Variants in RP1L1 observed in about 807,000 individuals in gnomAD.
The protein encoded by RP1L1 is retinitis pigmentosa 1-like 1 protein.
Under a neutral mutation model 15.7 loss-of-function variants are expected in RP1L1, and 27 were observed. That is an observed-to-expected ratio of 1.72 (90% CI 1.27 to 2.38). The LOEUF (loss-of-function observed/expected upper bound fraction) is 2.38. RP1L1 is among the 30% of genes most tolerant of loss of function. The pLI is 0.00. For missense variants in RP1L1, 4,798 were observed against 3,075.9 expected (o/e 1.56, Z -13.24); for synonymous variants, 1,813 against 1,276.7 (o/e 1.42, Z -8.96).
intron 1 of RP1L1, among the ~76,000 whole-genome samples, chr8:10,627,127 T>A (rs574534228): frequency 6.6e-6 from 1 of 152,286 alleles, no homozygotes; most frequent in South Asian, 2.1e-4. Flanking sequence ...GAAATCCCAT[T>A]TGTGGGTATC....
chr8:10,645,492 C>T (rs1203031307), intron 1 of RP1L1, among the ~76,000 whole-genome samples: 7 of 152,178 alleles, frequency 4.6e-5, no homozygotes, highest in Non-Finnish European at 8.8e-5. Context: ...TCCTACTCAC[C>T]AGGGGCTTTG....
In RP1L1 at chr8:10,609,324, T is replaced by C. The variant is rs550866845; in HGVS notation, c.4774A>G (p.Arg1592Gly). 16 of 1,611,922 alleles carry C rather than the reference T, an allele frequency of 9.9e-6. No individual in the cohort carries two copies. The East Asian group carries it at 2.9e-4, about 29-fold the overall frequency. The change falls in exon 4 of 4, where the codon AGG becomes GGG. Residue 1592 changes from arginine (R) to glycine (G), a missense_variant. Coordinates refer to ENST00000382483, the MANE Select transcript of RP1L1 (RefSeq NM_178857.6). ...RAGRMVLEPP[R>G]EALTGELLLQ... ...AGCAGCTCCCCGGTGAGGGCCTCCC[T>C]TGGAGGCTCCAGCACCATCCTACCC...
In RP1L1 at chr8:10,611,183, G is replaced by C. The variant is rs374466650; in HGVS notation, c.2915C>G (p.Thr972Arg). ...DNIPEEPILM[T>R]YELADETTGA... is the part of the protein sequence containing the mutation. ...TGTGGTCTCGTCCGCCAACTCATAT[G>C]TCATGAGTATGGGCTCTTCTGGAAT... The change falls in exon 4 of 4, where the codon ACA becomes AGA. Residue 972 changes from threonine to arginine, a missense_variant. Thr to Arg is a moderately conservative substitution (Grantham distance 71, BLOSUM62 -1). Transcript: ENST00000382483. 37 of 1,612,986 alleles carry C rather than the reference G, an allele frequency of 2.3e-5. No individual in the cohort carries two copies. Among genetic ancestry groups the C allele is most frequent in the Non-Finnish European group, 3.1e-5 (37 of 1,180,032 alleles).
rs1394140060 is a variant in RP1L1 at position 10,607,739 on chromosome 8, T to C, written c.6359A>G (p.Glu2120Gly). 2 of 1,608,628 alleles carry C rather than the reference T, an allele frequency of 1.2e-6. No homozygotes were observed. The highest frequency in any genetic ancestry group is 1.7e-6 in the Non-Finnish European group (2 of 1,178,604). The change falls in exon 4 of 4, where the codon GAG (glutamate) becomes GGG (glycine). Residue 2120 changes from glutamate (E) to glycine (G), a missense_variant. Glu to Gly is a moderately conservative substitution (Grantham distance 98, BLOSUM62 -2). Coordinates refer to ENST00000382483, the MANE Select transcript of RP1L1 (RefSeq NM_178857.6). Reference protein sequence around the residue: ...AQKAEGIEAPETEGEAQPESE... With the variant: ...AQKAEGIEAPGTEGEAQPESE... ...CTCTGGCTGGGCCTCCCCTTCAGTC[T>C]CTGGGGCCTCTATACCTTCTGCCTT... is the stretch of plus-strand genomic sequence containing the variant.
chr8:10,637,023 C>T (rs572959536), intron 1 of RP1L1, among the ~76,000 whole-genome samples: 33 of 152,332 alleles, frequency 2.2e-4, no homozygotes, highest in Admixed American at 6.5e-4. Context: ...TACAAAGCAT[C>T]GTCACTCACT....
intron 1 of RP1L1, among the ~76,000 whole-genome samples, chr8:10,650,462 C>T (rs376129089): frequency 1.3e-5 from 2 of 152,064 alleles, no homozygotes; most frequent in East Asian, 1.9e-4. Context: ...TGAGCTGTCA[C>T]GTGACCAAGG....
rs1183897872 is a variant in RP1L1, at chr8:10,609,211, G to A, written c.4887C>T (p.Leu1629=). ...FSERTLGLGP[L]SFTLEDEPAL... ...CTGGCTCGTCCTCCAGGGTGAAGGA[G>A]AGGGGCCCCAGGCCCAGGGTCCGCT... The change falls in exon 4 of 4, where the codon CTC becomes CTT. Residue 1629 remains leucine (L), a synonymous_variant. Transcript: ENST00000382483. 1.2e-6 allele frequency: 2 copies of A among 1,610,512 alleles called. No individual in the cohort carries two copies. Among genetic ancestry groups the A allele is most frequent in the South Asian group, 1.1e-5 (1 of 91,084 alleles).
At position 10,608,597 on chromosome 8, in the gene RP1L1, C is replaced by G; in HGVS notation, c.5501G>C (p.Gly1834Ala). Residue 1834 changes from glycine to alanine, a missense_variant, in exon 4 of 4, where the codon GGC becomes GCC. Coordinates refer to ENST00000382483, the MANE Select transcript of RP1L1 (RefSeq NM_178857.6). Reference protein sequence around the residue: ...QDPGQSDGAEGIEAPEAEGEA... With the variant: ...QDPGQSDGAEAIEAPEAEGEA... ...CCCTTCAGCCTCCGGGGCCTCTATGCCTTCGGCCCCATCACTCTGTCCTGG... is the reference window on the plus strand; with the variant it reads ...CCCTTCAGCCTCCGGGGCCTCTATGGCTTCGGCCCCATCACTCTGTCCTGG... The G allele has an allele frequency of 6.2e-7, 1 of 1,614,200 alleles. No individual in the cohort carries two copies.
intron 2 of RP1L1, among the ~76,000 whole-genome samples, chr8:10,622,101 C>T (rs535520292): frequency 6.6e-6 from 1 of 152,084 alleles, no homozygotes; most frequent in South Asian, 2.1e-4. Context: ...TCGGGCAGAT[C>T]ACCTGAGGTT....
chr8:10,634,685 A>T (rs1298548405), intron 1 of RP1L1, among the ~76,000 whole-genome samples: 6 of 152,220 alleles, frequency 3.9e-5, no homozygotes, highest in Non-Finnish European at 8.8e-5. Flanking sequence ...CCCAGGAATG[A>T]GTCCACAGGC....
rs938959062 is a variant in RP1L1 at position 10,612,520 on chromosome 8, C to T, written c.1578G>A (p.Arg526=). 2 of 1,611,768 alleles carry T rather than the reference C, an allele frequency of 1.2e-6. No homozygotes were observed. Among genetic ancestry groups the T allele is most frequent in the Admixed American group, 1.7e-5 (1 of 60,030 alleles). The part of the protein sequence containing the change: ...EQGGRLTPRA[R]SEEGASSDSS... ...AGTCCGAAGAAGCCCCCTCCTCACT[C>T]CGGGCCCTCGGTGTCAGGCGGCCGC... The change falls in exon 4 of 4, where the codon CGG becomes CGA. Residue 526 remains arginine, a synonymous_variant. Coordinates refer to ENST00000382483, the MANE Select transcript of RP1L1 (RefSeq NM_178857.6).
Position 10,608,517 on chromosome 8 carries a change from G to A in RP1L1, c.5581C>T (p.Gln1861Ter), listed in dbSNP as rs1352377149. The change falls in exon 4 of 4, where the codon CAG becomes TAG. Residue 1861 changes from glutamine (Q) to a stop codon, truncating the protein, a stop_gained. Coordinates refer to ENST00000382483, the MANE Select transcript of RP1L1 (RefSeq NM_178857.6). LOFTEE classifies it low-confidence loss of function (END_TRUNC). Reference sequence around the variant, plus strand: ...GGCTGGGCCTCCCCTTCAGCCTCCTGGGCATCCCCTTCTGCCTCTGGGGCC... The same window carrying A: ...GGCTGGGCCTCCCCTTCAGCCTCCTAGGCATCCCCTTCTGCCTCTGGGGCC... ...VEAPEAEGDAQEAEGEAQPES... is the reference protein window; with the variant it reads ...VEAPEAEGDA 1.9e-6 allele frequency: 3 copies of A among 1,583,692 alleles called. No individual in the cohort carries two copies. The highest frequency in any genetic ancestry group is 1.7e-5 in the Admixed American group (1 of 58,854).
intron 1 of RP1L1, among the ~76,000 whole-genome samples, chr8:10,632,027 G>A (rs1198691546): frequency 1.3e-5 from 2 of 152,184 alleles, no homozygotes; most frequent in Non-Finnish European, 1.5e-5. Context: ...TGCTTCACAC[G>A]GTGGGCAGTG....
intron 1 of RP1L1, among the ~76,000 whole-genome samples, chr8:10,633,665 C>A (rs984323509): frequency 6.6e-6 from 1 of 152,178 alleles, no homozygotes; most frequent in African/African-American, 2.4e-5. Context: ...CCACCATCCA[C>A]CCAGAGCACC....
chr8:10,633,605 G>A (rs1010747202), intron 1 of RP1L1, among the ~76,000 whole-genome samples: 12 of 152,116 alleles, frequency 7.9e-5, no homozygotes, highest in African/African-American at 2.7e-4. Context: ...GGAGCGCAGC[G>A]TCCCGCACAG....
rs914922681 is a variant in RP1L1, at chr8:10,630,843, G to A, written c.-19-7623C>T. ...TGGAATGACAACTGCTTGCCAACAC[G>A]TGGTGTTAAGTCTACAACAGAGATT... On this transcript the variant is annotated intron_variant, in intron 1 of 3. Coordinates refer to ENST00000382483, the MANE Select transcript of RP1L1 (RefSeq NM_178857.6). Among the ~76,000 whole-genome samples the A allele has an allele frequency of 5.3e-5, 8 of 152,244 alleles. 1 individual carries two copies. Among genetic ancestry groups the A allele is most frequent in the Non-Finnish European group, 8.8e-5 (6 of 68,042 alleles).
rs376248622 is a variant in RP1L1, at chr8:10,622,584, A to G, written c.609+9T>C. On this transcript the variant is annotated intron_variant, in intron 2 of 3. Transcript: ENST00000382483. ...CTTTTCAAGGAACCGTCAGACCCCA[A>G]CAGCCTACCTTTTTCCCGCTGGTCG... 9 of 1,614,144 alleles carry G rather than the reference A, an allele frequency of 5.6e-6. No homozygotes were observed. Among genetic ancestry groups the G allele is most frequent in the South Asian group, 2.2e-5 (2 of 91,050 alleles).
chr8:10,648,276 C>T (rs2117267106), intron 1 of RP1L1, among the ~76,000 whole-genome samples: 1 of 152,328 alleles, frequency 6.6e-6, no homozygotes, highest in African/African-American at 2.4e-5. Flanking sequence ...AGGTCATCCA[C>T]CTGCCTCGGC....
rs756139234 is a variant in RP1L1 at position 10,606,918 on chromosome 8, C to G, written c.7180G>C (p.Gly2394Arg). Residue 2394 changes from glycine to arginine, a missense_variant, in exon 4 of 4, where the codon GGC becomes CGC. Gly to Arg is a moderately radical substitution (Grantham distance 125). Transcript: ENST00000382483. ...GTCTAGAAATCTAAGTCATCTTGGC[C>G]AAAGCCGTCTGCCCTGCCCACTGCC... ...TEAVGRADGF[G>R]QDDLDF 6.2e-7 allele frequency: 1 copy of G among 1,614,220 alleles called. No individual in the cohort carries two copies. Among genetic ancestry groups the G allele is most frequent in the Non-Finnish European group, 8.5e-7 (1 of 1,180,050 alleles).
Sources: gnomAD v4.1 joint callset for allele counts (sites outside exome capture counted in the v4.1 genomes callset) on GRCh38, gnomAD v4.1.1 for gene constraint, MANE v1.5 for transcripts, NCBI Gene and HGNC (gene_info 2026-07-23, HGNC 2026-07-21) for gene names.